Variants in KIF26B observed in about 807,000 individuals in gnomAD.
KIF26B encodes kinesin-like protein KIF26B.
A neutral mutation model predicts 151.2 loss-of-function variants in KIF26B; 63 were observed. The ratio of observed to expected loss-of-function variants is 0.42; its 90% confidence interval spans 0.34 to 0.51. The LOEUF (loss-of-function observed/expected upper bound fraction) is 0.51, where lower values mean the gene tolerates loss of function less well. KIF26B is among the 20% of genes least tolerant of loss of function. The pLI is 0.07. For missense variants in KIF26B, 2,813 were observed against 2,913.6 expected (o/e 0.97, Z 0.79); for synonymous variants, 1,357 against 1,262.1 (o/e 1.08, Z -1.59).
chr1:245,578,454 T>C (rs1018713774), intron 5 of KIF26B, among the ~76,000 whole-genome samples: 3 of 152,252 alleles, frequency 2.0e-5, no homozygotes, highest in Non-Finnish European at 4.4e-5. Flanking sequence ...CCCTTCTGTC[T>C]TTCCCTTTAA....
At position 245,167,665 on chromosome 1, in the gene KIF26B, TA is replaced by T. The variant is rs34757798; in HGVS notation, c.465+10993del. Among the ~76,000 whole-genome samples the T allele has an allele frequency of 1.3e-4, 19 of 148,592 alleles. No individual in the cohort carries two copies. The highest frequency in any genetic ancestry group is 3.9e-4 in the East Asian group (2 of 5,102). ...ACAACTGGAAGCAGCCACCATTGTT[TA>T]AAAAAAAAAATCACCTGCCCAGTTC... On this transcript the variant is annotated intron_variant, in intron 2 of 14. Transcript: ENST00000407071. The surrounding 1 kb of genome is among the most constrained non-coding windows in gnomAD (Gnocchi z 4.2).
At chr1:245,526,819 C>T (rs573722806) in intron 4 of KIF26B, among the ~76,000 whole-genome samples, 1 of 152,122 alleles carries the variant, frequency 6.6e-6, no homozygotes, top group African/African-American at 2.4e-5. Flanking sequence ...ATTTCATGTC[C>T]GTTTTTAATT....
Position 245,239,893 on chromosome 1 carries a change from C to T in KIF26B, c.465+83210C>T, listed in dbSNP as rs755346936. Among the ~76,000 whole-genome samples the T allele has an allele frequency of 1.3e-5, 2 of 151,624 alleles. No individual in the cohort carries two copies. Among genetic ancestry groups the T allele is most frequent in the Non-Finnish European group, 2.9e-5 (2 of 67,908 alleles). ...TTTTACTATATAAAGAGTCACTTTC[C>T]GGCCGGGTGTGGTCACTCACGCCTG... On this transcript the variant is annotated intron_variant, in intron 2 of 14. Coordinates refer to ENST00000407071, the MANE Select transcript of KIF26B (RefSeq NM_018012.4). The surrounding 1 kb of genome is among the most constrained non-coding windows in gnomAD (Gnocchi z 4.3).
intron 3 of KIF26B, among the ~76,000 whole-genome samples, chr1:245,409,179 A>G (rs4658769): frequency 0.23 from 34,947 of 152,206 alleles, 6,240 homozygotes; most frequent in African/African-American, 0.49. Context: ...CAAAACTGCA[A>G]GCTTCATGGT....
intron 2 of KIF26B, among the ~76,000 whole-genome samples, chr1:245,331,671 C>T (rs889549295): frequency 1.3e-5 from 2 of 152,160 alleles, no homozygotes; most frequent in Non-Finnish European, 2.9e-5. Flanking sequence ...CAACTGGCTA[C>T]AGATGATAGA....
chr1:245,690,740 T>TG (rs199665870), intron 12 of KIF26B, among the ~76,000 whole-genome samples: 14,186 of 149,018 alleles, frequency 0.095, 721 homozygotes, highest in South Asian at 0.18. Flanking sequence ...TTTATTTGCC[T>TG]GGGGGGGGGG....
intron 2 of KIF26B, among the ~76,000 whole-genome samples, chr1:245,178,173 C>A (rs1465351390): frequency 2.0e-5 from 3 of 152,160 alleles, no homozygotes; most frequent in Admixed American, 2.0e-4. Context: ...ACGCTTTGAG[C>A]CACTTATTCA....
chr1:245,585,935 G>A (rs2043219433), intron 5 of KIF26B, among the ~76,000 whole-genome samples: 1 of 149,614 alleles, frequency 6.7e-6, no homozygotes, highest in South Asian at 2.1e-4. Context: ...ATGCTGTGCT[G>A]TGGAAGTGCA....
At chr1:245,635,563 C>A (rs573292341) in intron 9 of KIF26B, among the ~76,000 whole-genome samples, 1 of 152,056 alleles carries the variant, frequency 6.6e-6, no homozygotes, top group South Asian at 2.1e-4. Context: ...CTCAAAGAAC[C>A]AACTTTTGAT....
chr1:245,519,781 C>A (rs1335834750), intron 4 of KIF26B, among the ~76,000 whole-genome samples: 1 of 152,000 alleles, frequency 6.6e-6, no homozygotes, highest in Non-Finnish European at 1.5e-5. Context: ...GTATTTGTGT[C>A]CCTAAACATA....
At chr1:245,348,151 A>G (rs757909431) in intron 2 of KIF26B, among the ~76,000 whole-genome samples, 4 of 152,142 alleles carry the variant, frequency 2.6e-5, no homozygotes, top group Non-Finnish European at 5.9e-5. Context: ...CTTTGAGCTC[A>G]CTACCTATTC....
intron 10 of KIF26B, among the ~76,000 whole-genome samples, chr1:245,654,252 G>T (rs577439188): frequency 6.6e-6 from 1 of 152,114 alleles, no homozygotes; most frequent in East Asian, 1.9e-4. Context: ...TTCCTTTCAG[G>T]ACCCAAGCTA....
chr1:245,296,438 G>A (rs550650278), intron 2 of KIF26B, among the ~76,000 whole-genome samples: 22 of 152,104 alleles, frequency 1.4e-4, no homozygotes, highest in Admixed American at 2.6e-4. Context: ...GATGTGGGTC[G>A]TAATCTGAGT....
chr1:245,392,433 G>A (rs1004408781), intron 3 of KIF26B, among the ~76,000 whole-genome samples: 1 of 152,140 alleles, frequency 6.6e-6, no homozygotes, highest in African/African-American at 2.4e-5. Context: ...TACATTTTTT[G>A]ATACCTTGGA....
chr1:245,667,225 G>C lies in KIF26B; in HGVS notation c.2259-17008G>C, dbSNP rs546966870. 2.0e-5 allele frequency among the ~76,000 whole-genome samples: 3 copies of C among 152,300 alleles called. No homozygotes were observed. The highest frequency in any genetic ancestry group is 7.2e-5 in the African/African-American group (3 of 41,566). On this transcript the variant is annotated intron_variant, in intron 10 of 14. Coordinates refer to ENST00000407071, the MANE Select transcript of KIF26B (RefSeq NM_018012.4). The surrounding 1 kb of genome is among the most constrained non-coding windows in gnomAD (Gnocchi z 4.3). ...TTTTTGAAACACTCTGCCCAGGCTG[G>C]AGTGCAGTGGCACGATCTCGGCTCA...
chr1:245,259,661 C>G (rs1477646083), intron 2 of KIF26B, among the ~76,000 whole-genome samples: 1 of 151,972 alleles, frequency 6.6e-6, no homozygotes, highest in African/African-American at 2.4e-5. Flanking sequence ...GCCAGGCAGG[C>G]TGGCTCATGC....
At chr1:245,182,547 A>G (rs543278418) in intron 2 of KIF26B, among the ~76,000 whole-genome samples, 148 of 152,260 alleles carry the variant, frequency 9.7e-4, no homozygotes, top group African/African-American at 3.3e-3. Flanking sequence ...TTGTGTGTCA[A>G]TTTGTGTGGA....
intron 2 of KIF26B, among the ~76,000 whole-genome samples, chr1:245,263,219 C>A (rs1486017582): frequency 1.3e-5 from 2 of 152,204 alleles, no homozygotes; most frequent in African/African-American, 4.8e-5. Flanking sequence ...GCTTCACCCT[C>A]TGCTTGTGCT....
intron 2 of KIF26B, among the ~76,000 whole-genome samples, chr1:245,178,368 C>T (rs1668845876): frequency 6.6e-6 from 1 of 151,898 alleles, no homozygotes; most frequent in Admixed American, 6.6e-5. Flanking sequence ...TTTTCAAATG[C>T]TTTTTTCTGA....
Sources: allele counts gnomAD v4.1 joint callset (sites outside exome capture counted in the v4.1 genomes callset), GRCh38; gene constraint gnomAD v4.1.1; non-coding constraint Gnocchi (gnomAD v3.1); transcripts MANE v1.5; gene names NCBI Gene and HGNC (gene_info 2026-07-23, HGNC 2026-07-21).